The following IL1RAPL2 variants were observed in gnomAD, a reference collection of about 807,000 sequenced individuals.
The protein encoded by IL1RAPL2 is X-linked interleukin-1 receptor accessory protein-like 2.
A neutral mutation model predicts 44.1 loss-of-function variants in IL1RAPL2; 3 were observed. That is an observed-to-expected ratio of 0.07 (90% CI 0.03 to 0.18). The LOEUF (loss-of-function observed/expected upper bound fraction) is 0.18. Among genes scored for constraint, IL1RAPL2 ranks in the 10% least tolerant of loss-of-function variants. The probability of loss-of-function intolerance (pLI) is 1.00; values close to 1 mark genes in which losing one functional copy is unlikely to be tolerated. For missense variants in IL1RAPL2, 391 were observed against 496.4 expected (o/e 0.79, Z 2.02); for synonymous variants, 181 against 178.8 (o/e 1.01, Z -0.10).
chrX:104,686,467 T>C (rs1930990124), intron 2 of IL1RAPL2, among the ~76,000 whole-genome samples: 1 of 111,776 alleles, frequency 8.9e-6, no homozygotes. Flanking sequence ...AAAAATCTAT[T>C]GATCTAAGAG....
intron 2 of IL1RAPL2, among the ~76,000 whole-genome samples, chrX:105,045,046 T>C (rs1383443919): frequency 3.6e-5 from 4 of 111,208 alleles, no homozygotes; most frequent in African/African-American, 1.3e-4. Flanking sequence ...TGCTGACAAC[T>C]TGAATGTGTA....
chrX:104,851,632 A>T (rs1238642882), intron 2 of IL1RAPL2, among the ~76,000 whole-genome samples: 1 of 111,895 alleles, frequency 8.9e-6, no homozygotes, highest in Non-Finnish European at 1.9e-5. Flanking sequence ...TCCAGAGGTC[A>T]AGATTTGTCT....
intron 2 of IL1RAPL2, among the ~76,000 whole-genome samples, chrX:104,949,837 A>C (rs1441548642): frequency 1.8e-5 from 2 of 111,158 alleles, no homozygotes; most frequent in African/African-American, 6.6e-5. Flanking sequence ...CTTTACTTCC[A>C]AGTATGTGGT....
intron 5 of IL1RAPL2, among the ~76,000 whole-genome samples, chrX:105,323,318 T>G (rs1249361442): frequency 8.9e-6 from 1 of 112,160 alleles, no homozygotes; most frequent in Non-Finnish European, 1.9e-5. Flanking sequence ...TTACCATTGT[T>G]ACTTTATTTT....
At chrX:104,656,983 G>A (rs1930277982) in intron 1 of IL1RAPL2, among the ~76,000 whole-genome samples, 1 of 110,715 alleles carries the variant, frequency 9.0e-6, no homozygotes, top group Non-Finnish European at 1.9e-5. Flanking sequence ...TTTTATCAGA[G>A]ACTAGGATTG....
chrX:104,797,194 C>G lies in IL1RAPL2; in HGVS notation c.82+138199C>G, dbSNP rs1395480163. ...TGTAATGATCTCTTCAGCCCCCCCC[C>G]CCCCCCCGCAAAGTAATGTTTGCTA... is the stretch of plus-strand genomic sequence containing the variant. On this transcript the variant is annotated intron_variant, in intron 2 of 10. Transcript: ENST00000372582. Among the ~76,000 whole-genome samples the G allele has an allele frequency of 5.3e-4, 19 of 35,934 alleles. 4 individuals are homozygous for G. Among genetic ancestry groups the G allele is most frequent in the South Asian group, 5.0e-3 (1 of 201 alleles). The allele number at this position is 35,934 out of a possible 115,157, so 31.2% of individuals were successfully genotyped here. A position where few individuals can be genotyped will look rare whatever the true frequency, so the allele number is the denominator to read the frequency against.
At chrX:105,492,941 C>T (rs746082924) in intron 6 of IL1RAPL2, among the ~76,000 whole-genome samples, 1 of 110,891 alleles carries the variant, frequency 9.0e-6, no homozygotes, top group South Asian at 3.8e-4. Flanking sequence ...CAGCCTCACC[C>T]CATCCTCAGC....
intron 5 of IL1RAPL2, among the ~76,000 whole-genome samples, chrX:105,395,738 G>C (rs921033861): frequency 2.7e-5 from 3 of 111,815 alleles, no homozygotes; most frequent in African/African-American, 9.7e-5. Flanking sequence ...CACCCACCCA[G>C]TTTTTTAAGT....
intron 5 of IL1RAPL2, among the ~76,000 whole-genome samples, chrX:105,326,792 T>C (rs2034942765): frequency 9.0e-6 from 1 of 111,638 alleles, no homozygotes; most frequent in East Asian, 2.8e-4. Context: ...ATAGTACTTT[T>C]TGAACTTGGC....
intron 5 of IL1RAPL2, among the ~76,000 whole-genome samples, chrX:105,374,557 C>A (rs911454458): frequency 2.7e-5 from 3 of 110,844 alleles, no homozygotes; most frequent in Non-Finnish European, 5.7e-5. Context: ...TCTTACACCT[C>A]CCTGGATAGC....
At chrX:105,333,628 T>G (rs1435808154) in intron 5 of IL1RAPL2, among the ~76,000 whole-genome samples, 3 of 111,712 alleles carry the variant, frequency 2.7e-5, no homozygotes, top group Non-Finnish European at 3.8e-5. Flanking sequence ...GACAAGGGGT[T>G]AATAACCAGA....
At chrX:104,943,396 T>C (rs1480086275) in intron 2 of IL1RAPL2, among the ~76,000 whole-genome samples, 4 of 112,116 alleles carry the variant, frequency 3.6e-5, no homozygotes, top group Non-Finnish European at 7.5e-5. Context: ...ATCTCAACAG[T>C]TAATGTTTCC....
At chrX:105,095,103 G>A (rs2032588924) in intron 2 of IL1RAPL2, among the ~76,000 whole-genome samples, 1 of 111,231 alleles carries the variant, frequency 9.0e-6, no homozygotes, top group Non-Finnish European at 1.9e-5. Flanking sequence ...GTTTCTATAT[G>A]CAAATAGATA....
At chrX:104,902,937 G>A (rs1189523681) in intron 2 of IL1RAPL2, among the ~76,000 whole-genome samples, 1 of 111,537 alleles carries the variant, frequency 9.0e-6, no homozygotes, top group Non-Finnish European at 1.9e-5. Context: ...ATCCAAAAAG[G>A]CTGAAAAGAC....
At position 105,080,823 on chromosome X, in the gene IL1RAPL2, A is replaced by C. The variant is rs1046789432; in HGVS notation, c.83-114652A>C. 4.5e-5 allele frequency among the ~76,000 whole-genome samples: 5 copies of C among 111,970 alleles called. No individual in the cohort carries two copies. The South Asian group carries it at 1.5e-3, about 33-fold the overall frequency. ...TACTTTGGTCAGTATGGCCGTTTTC[A>C]TGATATTGATTCTTCCTATCCATGA... On this transcript the variant is annotated intron_variant, in intron 2 of 10. Coordinates refer to ENST00000372582, the MANE Select transcript of IL1RAPL2 (RefSeq NM_017416.2).
chrX:105,701,768 T>C (rs961936793), intron 6 of IL1RAPL2, among the ~76,000 whole-genome samples: 3 of 112,277 alleles, frequency 2.7e-5, no homozygotes, highest in East Asian at 2.8e-4. Context: ...TTTTTTGCAC[T>C]GATATCATGT....
intron 1 of IL1RAPL2, among the ~76,000 whole-genome samples, chrX:104,600,678 C>T (rs899258324): frequency 6.3e-5 from 7 of 110,423 alleles, no homozygotes; most frequent in East Asian, 5.7e-4. Context: ...TTCCCTCTGC[C>T]TTCTAGTAGT....
At chrX:105,694,485 A>G (rs939379724) in intron 6 of IL1RAPL2, among the ~76,000 whole-genome samples, 3 of 111,909 alleles carry the variant, frequency 2.7e-5, no homozygotes, top group African/African-American at 9.7e-5. Context: ...AAACATTATC[A>G]TCTACCTTTA....
At chrX:105,103,554 A>T (rs771454515) in intron 2 of IL1RAPL2, among the ~76,000 whole-genome samples, 1 of 111,835 alleles carries the variant, frequency 8.9e-6, no homozygotes, top group African/African-American at 3.2e-5. Flanking sequence ...AGTTATTCAA[A>T]TACCTCCCCA....
Sources: allele counts gnomAD v4.1 joint callset (sites outside exome capture counted in the v4.1 genomes callset), GRCh38; gene constraint gnomAD v4.1.1; transcripts MANE v1.5; gene names NCBI Gene and HGNC (gene_info 2026-07-23, HGNC 2026-07-21).